Variants in CRADD observed in about 807,000 individuals in gnomAD.
The protein encoded by CRADD is death domain-containing protein CRADD.
Under a neutral mutation model 15.5 loss-of-function variants are expected in CRADD, and 9 were observed. The observed-to-expected ratio is 0.58, with a 90% CI of 0.35 to 1.01. The LOEUF (loss-of-function observed/expected upper bound fraction) is 1.01, where lower values mean the gene tolerates loss of function less well. CRADD is among the 50% of genes least tolerant of loss of function. CRADD has a pLI of 0.02. For synonymous variants in CRADD, 118 were observed against 107.6 expected (o/e 1.10, Z -0.60); for missense variants, 227 against 250.3 (o/e 0.91, Z 0.63).
intron 2 of CRADD, among the ~76,000 whole-genome samples, chr12:93,791,324 G>A (rs1957346814): frequency 6.6e-6 from 1 of 152,050 alleles, no homozygotes; most frequent in South Asian, 2.1e-4. Flanking sequence ...TACACACAAT[G>A]GAATACTATT....
In CRADD at chr12:93,828,707, C is replaced by T. The variant is rs144830620; in HGVS notation, c.299-21263C>T. On this transcript the variant is annotated intron_variant, in intron 2 of 2. Coordinates refer to ENST00000332896, the MANE Select transcript of CRADD (RefSeq NM_003805.5). Reference sequence around the variant, plus strand: ...ATTGATCTATTTGTCTACCTTTTCACTAATACCCACTGTCAATTTCTATAG... The same window carrying T: ...ATTGATCTATTTGTCTACCTTTTCATTAATACCCACTGTCAATTTCTATAG... Among the ~76,000 whole-genome samples, 54 of 152,332 alleles carry T rather than the reference C, an allele frequency of 3.5e-4. No homozygotes were observed. In the East Asian group the frequency reaches 7.5e-3, roughly 21 times the overall value.
intron 2 of CRADD, among the ~76,000 whole-genome samples, chr12:93,842,953 G>A (rs61399820): frequency 0.094 from 14,312 of 152,138 alleles, 856 homozygotes; most frequent in African/African-American, 0.16. Context: ...TTAAAAGATT[G>A]CATGAAAAAT....
chr12:93,711,551 C>T lies in CRADD; in HGVS notation c.298+32479C>T, dbSNP rs1378659667. Among the ~76,000 whole-genome samples the T allele has an allele frequency of 2.0e-5, 3 of 152,250 alleles. No individual in the cohort carries two copies. In the East Asian group the frequency reaches 5.8e-4, roughly 29 times the overall value. ...TTACCTCTTCTCTTACTCTTCTCCC[C>T]TCCCTCTTTATCAGCCACATTTTAT... On this transcript the variant is annotated intron_variant, in intron 2 of 2. Transcript: ENST00000332896.
chr12:93,747,883 T>C (rs914495397), intron 2 of CRADD, among the ~76,000 whole-genome samples: 1 of 152,162 alleles, frequency 6.6e-6, no homozygotes, highest in Non-Finnish European at 1.5e-5. Context: ...CACTGGAGGG[T>C]GCTGAAATAA....
chr12:93,768,832 C>T (rs1957053157), intron 2 of CRADD, among the ~76,000 whole-genome samples: 1 of 152,102 alleles, frequency 6.6e-6, no homozygotes. Context: ...CCTCCCATGG[C>T]CTCCTCCTCC....
At chr12:93,892,467 G>A (rs73365302) in intron 2 of CRADD, among the ~76,000 whole-genome samples, 2,355 of 152,278 alleles carry the variant, frequency 0.015, 64 homozygotes, top group African/African-American at 0.054. Context: ...CAACTGTGAC[G>A]TAAGCATGTG....
At chr12:93,837,498 C>T (rs971567411) in intron 2 of CRADD, 1 of 152,112 alleles carries the variant, frequency 6.6e-6, no homozygotes, top group African/African-American at 2.4e-5. Context: ...AAACTCCCGA[C>T]CTCAGGTGAT....
At chr12:93,855,139 G>A (rs373671943), downstream of CRADD, among the ~76,000 whole-genome samples, 69 of 152,092 alleles carry the variant, frequency 4.5e-4, no homozygotes, top group East Asian at 0.01. Flanking sequence ...AGGTTGCAGC[G>A]AGCCAAGATC....
rs777587801 is a variant in CRADD at position 93,824,074 on chromosome 12, G to A, written c.299-25896G>A. 4.6e-5 allele frequency among the ~76,000 whole-genome samples: 7 copies of A among 152,130 alleles called. No homozygotes were observed. Among genetic ancestry groups the A allele is most frequent in the Non-Finnish European group, 8.8e-5 (6 of 68,010 alleles). ...TACCGTGTTCCAAAACACTGGCTCC[G>A]TTTGGTGTGTGTTTTGTTTTTATTT... On this transcript the variant is annotated intron_variant, in intron 2 of 2. Coordinates refer to ENST00000332896, the MANE Select transcript of CRADD (RefSeq NM_003805.5). The surrounding 1 kb of genome is among the most constrained non-coding windows in gnomAD (Gnocchi z 4.3).
At chr12:93,718,871 C>G (rs1395214696) in intron 2 of CRADD, among the ~76,000 whole-genome samples, 2 of 151,984 alleles carry the variant, frequency 1.3e-5, no homozygotes, top group African/African-American at 4.8e-5. Context: ...GTAATCCTGC[C>G]ACTTCAGTCT....
downstream of CRADD, among the ~76,000 whole-genome samples, chr12:93,853,976 A>G (rs957395626): frequency 6.6e-6 from 1 of 152,182 alleles, no homozygotes; most frequent in African/African-American, 2.4e-5. Flanking sequence ...TTGTGGTTAA[A>G]TCTTTACATT....
intron 2 of CRADD, among the ~76,000 whole-genome samples, chr12:93,680,257 G>A (rs1048055611): frequency 6.7e-6 from 1 of 149,630 alleles, no homozygotes; most frequent in Non-Finnish European, 1.5e-5. Context: ...AGAGAATCAA[G>A]GTTCTCTGGG....
intron 2 of CRADD, among the ~76,000 whole-genome samples, chr12:93,801,825 G>A (rs1291491878): frequency 6.6e-6 from 1 of 152,154 alleles, no homozygotes; most frequent in African/African-American, 2.4e-5. Context: ...ACTGTATCCA[G>A]TATGTTGTCT....
At chr12:93,891,178 C>T (rs1431933580) in intron 2 of CRADD, among the ~76,000 whole-genome samples, 1 of 152,128 alleles carries the variant, frequency 6.6e-6, no homozygotes, top group Admixed American at 6.5e-5. Context: ...AGGCCTCTCT[C>T]ATATTTGGCT....
At chr12:93,806,787 T>C (rs951620155) in intron 2 of CRADD, among the ~76,000 whole-genome samples, 1 of 152,114 alleles carries the variant, frequency 6.6e-6, no homozygotes, top group Non-Finnish European at 1.5e-5. Flanking sequence ...ATGAACTAGG[T>C]TTTAATGACC....
At chr12:93,736,375 A>C (rs923470315) in intron 2 of CRADD, among the ~76,000 whole-genome samples, 1 of 152,190 alleles carries the variant, frequency 6.6e-6, no homozygotes, top group Non-Finnish European at 1.5e-5. Flanking sequence ...TTGATTTCTA[A>C]AGTCCTTATA....
At chr12:93,717,076 G>T (rs1956175637) in intron 2 of CRADD, among the ~76,000 whole-genome samples, 1 of 152,192 alleles carries the variant, frequency 6.6e-6, no homozygotes, top group South Asian at 2.1e-4. Context: ...CGTCTAATGG[G>T]TGTATAGTGG....
chr12:93,870,897 A>T (rs1958413220), intron 2 of CRADD, among the ~76,000 whole-genome samples: 1 of 152,236 alleles, frequency 6.6e-6, no homozygotes, highest in South Asian at 2.1e-4. Flanking sequence ...GTCTAAAGCT[A>T]TTGTGAAATG....
At chr12:93,876,674 A>G in intron 2 of CRADD, among the ~76,000 whole-genome samples, 1 of 152,022 alleles carries the variant, frequency 6.6e-6, no homozygotes, top group Non-Finnish European at 1.5e-5. Context: ...ATTCTTCTTA[A>G]TTATTTCAAT....
Sources: allele counts gnomAD v4.1 joint callset (sites outside exome capture counted in the v4.1 genomes callset), GRCh38; gene constraint gnomAD v4.1.1; non-coding constraint Gnocchi (gnomAD v3.1); transcripts MANE v1.5; gene names NCBI Gene and HGNC (gene_info 2026-07-23, HGNC 2026-07-21).